The following ZNF652 variants were observed in gnomAD, a reference collection of about 807,000 sequenced individuals.
The protein encoded by ZNF652 is zinc finger protein 652.
Under a neutral mutation model 45.2 loss-of-function variants are expected in ZNF652, and 16 were observed. That is an observed-to-expected ratio of 0.35 (90% CI 0.24 to 0.54). The LOEUF is 0.54. Among genes scored for constraint, ZNF652 ranks in the 20% least tolerant of loss-of-function variants. The pLI is 0.91. For missense variants in ZNF652, 614 were observed against 765.6 expected (o/e 0.80, Z 2.34); for synonymous variants, 250 against 260.6 (o/e 0.96, Z 0.39).
At position 49,362,197 on chromosome 17, in the gene ZNF652, G is replaced by C. The variant is rs1423919372; in HGVS notation, c.-547C>G. On this transcript the variant is annotated 5_prime_UTR_variant, in exon 1 of 6. Transcript: ENST00000430262. Reference sequence around the variant, plus strand: ...GCAGCGCGGGGCGGGCGGCAGGGGAGGGGGTGTGCGTGTGTGGATGTGTGT... The same window carrying C: ...GCAGCGCGGGGCGGGCGGCAGGGGACGGGGTGTGCGTGTGTGGATGTGTGT... 1 of 150,792 alleles carries C rather than the reference G, an allele frequency of 6.6e-6. No homozygotes were observed. Among genetic ancestry groups the C allele is most frequent in the Non-Finnish European group, 1.5e-5 (1 of 67,248 alleles). The allele number at this position is 150,792 out of a possible 1,614,324, so 9.3% of individuals were successfully genotyped here.
chr17:49,336,942 G>GTTTTTTTTTT (rs200178711), intron 1 of ZNF652, among the ~76,000 whole-genome samples: 8 of 115,146 alleles, frequency 6.9e-5, no homozygotes, highest in African/African-American at 2.6e-4. Context: ...TCTTAATGGT[G>GTTTTTTTTTT]TTTTTTTTTT....
intron 1 of ZNF652, among the ~76,000 whole-genome samples, chr17:49,357,924 C>T (rs1006840105): frequency 1.5e-4 from 23 of 152,168 alleles, no homozygotes; most frequent in African/African-American, 5.6e-4. Flanking sequence ...CAAATATTTG[C>T]AATTTTTTCA....
rs2069829632 is a variant in ZNF652, at chr17:49,317,683, A to G, written c.43T>C (p.Cys15Arg). Residue 15 changes from cysteine (C) to arginine (R), a missense_variant, in exon 2 of 6, where the codon TGT becomes CGT. This residue lies in a region of ZNF652 where 133 missense variants were observed against 132.2 expected (regional missense o/e 1.01). Coordinates refer to ENST00000430262, the MANE Select transcript of ZNF652 (RefSeq NM_001145365.3). ...GCCATTCCTGCTACATGCACAGCAC[A>G]GTTTTCAACCAGCTCCTGACAAGAA... The part of the protein sequence containing the change: ...ASSCQELVEN[C>R]AVHVAGMAQE... 1 of 1,605,074 alleles carries G rather than the reference A, an allele frequency of 6.2e-7. No individual in the cohort carries two copies. Among genetic ancestry groups the G allele is most frequent in the Admixed American group, 1.7e-5 (1 of 59,684 alleles).
chr17:49,349,360 T>C (rs890197200), intron 1 of ZNF652, among the ~76,000 whole-genome samples: 19 of 152,000 alleles, frequency 1.3e-4, no homozygotes, highest in African/African-American at 4.3e-4. Flanking sequence ...GATCACACCA[T>C]TGCACTCCAA....
intron 1 of ZNF652, among the ~76,000 whole-genome samples, chr17:49,360,504 A>C (rs937630319): frequency 6.6e-6 from 1 of 152,214 alleles, no homozygotes; most frequent in African/African-American, 2.4e-5. Flanking sequence ...ATTATACTAA[A>C]GGTATTACCT....
In ZNF652 at chr17:49,291,343, G is replaced by A. The variant is rs1463183738; in HGVS notation, c.*7070C>T. 6.6e-6 allele frequency: 1 copy of A among 152,240 alleles called. No individual in the cohort carries two copies. The highest frequency in any genetic ancestry group is 1.5e-5 in the Non-Finnish European group (1 of 68,048). 9.4% of individuals were successfully genotyped at this position (152,240 alleles called of 1,614,324 possible). On this transcript the variant is annotated 3_prime_UTR_variant, in exon 6 of 6. Coordinates refer to ENST00000430262, the MANE Select transcript of ZNF652 (RefSeq NM_001145365.3). Reference sequence around the variant, plus strand: ...ACAACTTGACTCTTTGGCACATCCAGTACAGACACAGGCTCTTTAGTTGAT... The same window carrying A: ...ACAACTTGACTCTTTGGCACATCCAATACAGACACAGGCTCTTTAGTTGAT...
chr17:49,343,254 A>G (rs1347746624), intron 1 of ZNF652, among the ~76,000 whole-genome samples: 1 of 152,264 alleles, frequency 6.6e-6, no homozygotes, highest in Non-Finnish European at 1.5e-5. Context: ...TGCATATTTC[A>G]GTAAAACAAA....
At chr17:49,349,167 C>T (rs1489716429) in intron 1 of ZNF652, among the ~76,000 whole-genome samples, 1 of 152,150 alleles carries the variant, frequency 6.6e-6, no homozygotes, top group Non-Finnish European at 1.5e-5. Flanking sequence ...CAGTGGCTCA[C>T]GCCTGTAATC....
intron 1 of ZNF652, among the ~76,000 whole-genome samples, chr17:49,325,428 C>T (rs751799913): frequency 1.2e-4 from 19 of 152,134 alleles, no homozygotes; most frequent in Non-Finnish European, 2.1e-4. Flanking sequence ...ATAACAGTAA[C>T]ATCAAAGATC....
At chr17:49,346,745 T>C (rs547914863) in intron 1 of ZNF652, among the ~76,000 whole-genome samples, 14 of 152,252 alleles carry the variant, frequency 9.2e-5, no homozygotes, top group Non-Finnish European at 1.9e-4. Flanking sequence ...TCAAAATGTA[T>C]ACAAAGTAAA....
At chr17:49,311,561 T>C in intron 4 of ZNF652, 105 bp from the exon 5 acceptor site, 2 of 1,250,710 alleles carry the variant, frequency 1.6e-6, no homozygotes, top group Non-Finnish European at 1.1e-6. Context: ...ATATTCAAAA[T>C]AGAACCTGCT....
At chr17:49,327,759 ATATATATATATATATATATATTTTTT>A (rs1201125893) in intron 1 of ZNF652, among the ~76,000 whole-genome samples, 8 of 9,668 alleles carry the variant, frequency 8.3e-4, no homozygotes, top group South Asian at 2.8e-3. Context: ...ATATATATAT[ATATATATATATATATATATATTTTTT>A]TTTTTTTTTT....
intron 1 of ZNF652, among the ~76,000 whole-genome samples, chr17:49,355,350 C>T (rs1416899301): frequency 2.7e-5 from 4 of 150,224 alleles, no homozygotes; most frequent in Non-Finnish European, 4.4e-5. Context: ...TTTGGGAGGC[C>T]GAGAGGAGAG....
chr17:49,360,484 T>A (rs758667536), intron 1 of ZNF652, among the ~76,000 whole-genome samples: 7 of 152,062 alleles, frequency 4.6e-5, no homozygotes, highest in Non-Finnish European at 8.8e-5. Context: ...TAGTGAACAG[T>A]TTAAACAAAA....
intron 5 of ZNF652, among the ~76,000 whole-genome samples, chr17:49,302,080 T>C (rs2069560877): frequency 6.6e-6 from 1 of 151,886 alleles, no homozygotes; most frequent in Non-Finnish European, 1.5e-5. Context: ...GGTAAGACCC[T>C]GTCTTTACAA....
At chr17:49,347,676 TATAC>T (rs1178725261) in intron 1 of ZNF652, among the ~76,000 whole-genome samples, 1 of 151,474 alleles carries the variant, frequency 6.6e-6, no homozygotes, top group East Asian at 1.9e-4. Context: ...CTCCTAGAAT[TATAC>T]ACCACTACCT....
At position 49,296,364 on chromosome 17, in the gene ZNF652, C is replaced by T. The variant is rs929720709; in HGVS notation, c.*2049G>A. The T allele has an allele frequency of 1.2e-4, 18 of 152,410 alleles. No homozygotes were observed. The highest frequency in any genetic ancestry group is 3.4e-3 in the Middle Eastern group (1 of 294). 9.4% of individuals were successfully genotyped at this position (152,410 alleles called of 1,614,324 possible). Reference sequence around the variant, plus strand: ...AATTTAGAAACACTAAACCAAAAAGCCAATAGAGAACGTGATGTTTGAAAA... The same window carrying T: ...AATTTAGAAACACTAAACCAAAAAGTCAATAGAGAACGTGATGTTTGAAAA... On this transcript the variant is annotated 3_prime_UTR_variant, in exon 6 of 6. Coordinates refer to ENST00000430262, the MANE Select transcript of ZNF652 (RefSeq NM_001145365.3).
intron 1 of ZNF652, among the ~76,000 whole-genome samples, chr17:49,327,307 C>T (rs4390639): frequency 0.65 from 99,184 of 151,428 alleles, 32,789 homozygotes; most frequent in Non-Finnish European, 0.7. Context: ...GGATTACAGG[C>T]GCCTGTCACC....
intron 4 of ZNF652, 25 bp from the exon 5 acceptor site, chr17:49,311,481 T>C (rs755132967): frequency 9.3e-6 from 15 of 1,606,882 alleles, no homozygotes; most frequent in Middle Eastern, 3.4e-4. Flanking sequence ...GTGGAGATTT[T>C]TGAATGCCAA....
Sources: allele counts gnomAD v4.1 joint callset (sites outside exome capture counted in the v4.1 genomes callset), GRCh38; gene constraint gnomAD v4.1.1; regional missense constraint gnomAD v4.1.1; transcripts MANE v1.5; gene names NCBI Gene and HGNC (gene_info 2026-07-23, HGNC 2026-07-21).